CRHR1: variants seen among roughly 807,000 people sequenced by gnomAD.
The protein encoded by CRHR1 is corticotropin releasing hormone receptor 1.
Under a neutral mutation model 56.0 loss-of-function variants are expected in CRHR1, and 28 were observed. That is an observed-to-expected ratio of 0.50 (90% CI 0.37 to 0.69). CRHR1 has a LOEUF of 0.69. CRHR1 is among the 30% of genes least tolerant of loss of function. The probability of loss-of-function intolerance (pLI) is 0.00; values close to 1 mark genes in which losing one functional copy is unlikely to be tolerated. For synonymous variants in CRHR1, 195 were observed against 216.5 expected, an observed-to-expected ratio of 0.90 and a Z score of 0.87; for missense variants, 376 against 548.0, an observed-to-expected ratio of 0.69 and a Z score of 3.13.
At chr17:45,830,816 G>A (rs1029102015) in intron 7 of CRHR1, 64 bp from the exon 8 acceptor site, 1 of 1,538,090 alleles carries the variant, frequency 6.5e-7, no homozygotes, top group South Asian at 1.2e-5. Flanking sequence ...CTGCACTGGG[G>A]TTCTCCAGGC....
Position 45,834,885 on chromosome 17 carries a change from G to C in CRHR1, c.*121G>C. ...TCTCATGCCCACTCCCCCAGGAGCA[G>C]CTGGCACTGACAGCCTGGGGGGGCC... On this transcript the variant is annotated 3_prime_UTR_variant, in exon 13 of 13. Coordinates refer to ENST00000314537, the MANE Select transcript of CRHR1 (RefSeq NM_004382.5). 1 of 1,379,124 alleles carries C rather than the reference G, an allele frequency of 7.3e-7. No individual in the cohort carries two copies. Among genetic ancestry groups the C allele is most frequent in the Non-Finnish European group, 9.9e-7 (1 of 1,010,072 alleles). 85.4% of individuals were successfully genotyped at this position (1,379,124 alleles called of 1,614,324 possible). A position where few individuals can be genotyped will look rare whatever the true frequency, so the allele number is the denominator to read the frequency against.
rs377592457 is a variant in CRHR1, at chr17:45,814,414, C to G, written c.122-2049C>G. 1.7e-4 allele frequency among the ~76,000 whole-genome samples: 26 copies of G among 152,316 alleles called. No homozygotes were observed. The East Asian group carries it at 3.1e-3, about 18-fold the overall frequency. On this transcript the variant is annotated intron_variant, in intron 2 of 12. Transcript: ENST00000314537. ...ATGGAAAGAGCACTAGATTTAGAGT[C>G]CAAAATACCTGCCTATGAGTCTTGG...
intron 2 of CRHR1, among the ~76,000 whole-genome samples, chr17:45,808,702 G>A (rs972351239): frequency 2.0e-5 from 3 of 152,230 alleles, no homozygotes; most frequent in Admixed American, 1.3e-4. Context: ...AGGCTGAAGT[G>A]CAGTGGCACA....
intron 1 of CRHR1, among the ~76,000 whole-genome samples, chr17:45,788,913 G>A (rs906329808): frequency 2.6e-5 from 4 of 152,152 alleles, no homozygotes; most frequent in African/African-American, 4.8e-5. Flanking sequence ...ATGTCAGGTC[G>A]AAACAGAAGG....
At chr17:45,809,589 C>A (rs1383191082) in intron 2 of CRHR1, among the ~76,000 whole-genome samples, 1 of 152,270 alleles carries the variant, frequency 6.6e-6, no homozygotes, top group African/African-American at 2.4e-5. Flanking sequence ...CGATCCATCA[C>A]CCTCCACGAT....
intron 3 of CRHR1, 146 bp downstream of exon 3, chr17:45,816,728 T>G: frequency 2.3e-6 from 3 of 1,294,092 alleles, no homozygotes; most frequent in Non-Finnish European, 3.1e-6. Flanking sequence ...GTCAGCGCTG[T>G]ATTCTCCTGG....
Position 45,830,223 on chromosome 17 carries a change from T to C in CRHR1, c.555+9T>C, listed in dbSNP as rs1199582608. Reference sequence around the variant, plus strand: ...TCCACCAGAGCAACGTGGTACGTCCTGGCAGGGGAGCGGGGAGCAGGTCAG... The same window carrying C: ...TCCACCAGAGCAACGTGGTACGTCCCGGCAGGGGAGCGGGGAGCAGGTCAG... On this transcript the variant is annotated intron_variant, in intron 6 of 12. Coordinates refer to ENST00000314537, the MANE Select transcript of CRHR1 (RefSeq NM_004382.5). 3 of 1,613,766 alleles carry C rather than the reference T, an allele frequency of 1.9e-6. No homozygotes were observed. Among genetic ancestry groups the C allele is most frequent in the African/African-American group, 2.7e-5 (2 of 74,904 alleles).
chr17:45,823,557 A>C (rs1339000347), intron 4 of CRHR1, among the ~76,000 whole-genome samples: 1 of 151,896 alleles, frequency 6.6e-6, no homozygotes, highest in East Asian at 1.9e-4. Context: ...ACAGGAATGC[A>C]CCACCATGCT....
chr17:45,798,525 C>T (rs1385381362), intron 1 of CRHR1, among the ~76,000 whole-genome samples: 10 of 105,026 alleles, frequency 9.5e-5, no homozygotes, highest in Non-Finnish European at 1.3e-4. Flanking sequence ...GACTCCGTCT[C>T]GGGAAAAAAA....
chr17:45,820,499 C>T (rs1352187718), intron 3 of CRHR1, among the ~76,000 whole-genome samples: 1 of 152,204 alleles, frequency 6.6e-6, no homozygotes, highest in East Asian at 1.9e-4. Flanking sequence ...GGCCCCTCCC[C>T]ATCTCCTTAG....
At chr17:45,826,070 T>C (rs2062155073) in intron 4 of CRHR1, 1 of 152,434 alleles carries the variant, frequency 6.6e-6, no homozygotes, top group Admixed American at 6.5e-5. Context: ...GGGTGCCTGC[T>C]GGTCTTAGGT....
intron 1 of CRHR1, among the ~76,000 whole-genome samples, chr17:45,795,896 G>A (rs2061507942): frequency 6.6e-6 from 1 of 152,170 alleles, no homozygotes. Flanking sequence ...TGTTCGGTGG[G>A]GTTTGGCGGT....
Position 45,835,211 on chromosome 17 carries a change from G to A in CRHR1, c.*447G>A, listed in dbSNP as rs144347342. The A allele has an allele frequency of 1.2e-3, 206 of 176,130 alleles. 1 individual carries two copies. Among genetic ancestry groups the A allele is most frequent in the African/African-American group, 4.5e-3 (191 of 42,434 alleles). The allele number at this position is 176,130 out of a possible 1,614,324, so 10.9% of individuals were successfully genotyped here. ...CTCGTGACAGCCTCTGACTCACCAC[G>A]ATGACGCCTCTGGACCTCGGTGATG... On this transcript the variant is annotated 3_prime_UTR_variant, in exon 13 of 13. Transcript: ENST00000314537.
chr17:45,794,734 G>A (rs1168212176), intron 1 of CRHR1, among the ~76,000 whole-genome samples: 1 of 152,230 alleles, frequency 6.6e-6, no homozygotes, highest in Non-Finnish European at 1.5e-5. Context: ...AGTGGGGCAA[G>A]GGCAGCCTTG....
At chr17:45,817,869 C>T (rs1348022253) in intron 3 of CRHR1, among the ~76,000 whole-genome samples, 1 of 152,204 alleles carries the variant, frequency 6.6e-6, no homozygotes, top group Non-Finnish European at 1.5e-5. Context: ...CCAGGTCAGT[C>T]CAAGGGGTGC....
chr17:45,797,466 A>AT (rs2061543040), intron 1 of CRHR1, among the ~76,000 whole-genome samples: 1 of 150,746 alleles, frequency 6.6e-6, no homozygotes, highest in African/African-American at 2.4e-5. Flanking sequence ...AGTTTTTTGT[A>AT]TTTTTAGTAG....
At chr17:45,795,997 A>G (rs2061510162) in intron 1 of CRHR1, among the ~76,000 whole-genome samples, 1 of 152,222 alleles carries the variant, frequency 6.6e-6, no homozygotes, top group South Asian at 2.1e-4. Flanking sequence ...TTTTTAAATA[A>G]AGTAGAACCT....
chr17:45,832,042 G>A (rs548970183), intron 8 of CRHR1, among the ~76,000 whole-genome samples: 18 of 151,786 alleles, frequency 1.2e-4, no homozygotes, highest in Admixed American at 9.9e-4. Context: ...CTAACATGGT[G>A]AAACCCCGTA....
intron 1 of CRHR1, chr17:45,800,295 T>A (rs2061599040): frequency 6.6e-6 from 1 of 152,198 alleles, no homozygotes; most frequent in Non-Finnish European, 1.5e-5. Context: ...ATGGAAAAAC[T>A]CCTTCCCAAA....
Sources: allele counts gnomAD v4.1 joint callset (sites outside exome capture counted in the v4.1 genomes callset), GRCh38; gene constraint gnomAD v4.1.1; transcripts MANE v1.5; gene names NCBI Gene and HGNC (gene_info 2026-07-23, HGNC 2026-07-21).